The following ABCD3 variants were observed in gnomAD, a reference collection of about 807,000 sequenced individuals.
ABCD3 encodes ATP binding cassette subfamily D member 3.
ABCD3 carries 41 observed loss-of-function variants against 105.5 expected under a neutral mutation model. The observed-to-expected ratio is 0.39, with a 90% CI of 0.30 to 0.50. The LOEUF is 0.50. Ranked by LOEUF, ABCD3 falls within the 20% of genes least tolerant of loss-of-function variation. The pLI is 0.84. For synonymous variants in ABCD3, 258 were observed against 269.0 expected, an observed-to-expected ratio of 0.96 and a Z score of 0.40; for missense variants, 622 against 806.3, an observed-to-expected ratio of 0.77 and a Z score of 2.77.
the ABCD3 span, among the ~76,000 whole-genome samples, chr1:94,403,393 A>T: frequency 6.6e-6 from 1 of 152,136 alleles, no homozygotes; most frequent in Admixed American, 6.5e-5. Flanking sequence ...ACTAATAAGC[A>T]GTTATCTGTC....
intron 5 of ABCD3, 86 bp from the exon 6 acceptor site, chr1:94,475,057 G>A: frequency 1.1e-6 from 1 of 883,310 alleles, no homozygotes. Context: ...TAGGATTTGG[G>A]ACACAGGAAA....
At chr1:94,498,390 A>G (rs1172349409) in intron 16 of ABCD3, among the ~76,000 whole-genome samples, 3 of 151,834 alleles carry the variant, frequency 2.0e-5, no homozygotes, top group Admixed American at 2.0e-4. Context: ...TTTTTAAGTG[A>G]AAAAAAAGTA....
intron 4 of ABCD3, among the ~76,000 whole-genome samples, chr1:94,472,997 A>C (rs1570790390): frequency 3.9e-5 from 6 of 152,302 alleles, no homozygotes; most frequent in South Asian, 2.1e-4. Flanking sequence ...CCTTTTTAAA[A>C]ATTTTTAATG....
upstream of ABCD3, among the ~76,000 whole-genome samples, chr1:94,418,267 A>T (rs552880630): frequency 6.6e-6 from 1 of 152,266 alleles, no homozygotes; most frequent in East Asian, 1.9e-4. Flanking sequence ...TGTTCCGCCC[A>T]CGGAGGCTGC....
Position 94,518,246 on chromosome 1 carries a change from T to C in ABCD3, c.*1117T>C, listed in dbSNP as rs1487175512. The C allele has an allele frequency of 1.3e-5, 2 of 152,264 alleles. No homozygotes were observed. The highest frequency in any genetic ancestry group is 2.9e-5 in the Non-Finnish European group (2 of 67,824). The allele number at this position is 152,264 out of a possible 1,614,324, so 9.4% of individuals were successfully genotyped here. On this transcript the variant is annotated 3_prime_UTR_variant, in exon 23 of 23. Coordinates refer to ENST00000370214, the MANE Select transcript of ABCD3 (RefSeq NM_002858.4). ...AATCATCATTAATGACTTTATGTAT[T>C]ATTTGCACAGGGAGAATTGAAACTG...
intron 16 of ABCD3, among the ~76,000 whole-genome samples, chr1:94,492,190 C>T (rs899027886): frequency 2.6e-5 from 4 of 152,104 alleles, no homozygotes; most frequent in Non-Finnish European, 4.4e-5. Context: ...TCTAGAATTC[C>T]TCTCCACATG....
At chr1:94,499,374 A>C in intron 19 of ABCD3, 121 bp from the exon 20 acceptor site, 2 of 1,160,244 alleles carry the variant, frequency 1.7e-6, no homozygotes, top group South Asian at 1.3e-5. Flanking sequence ...CTTTTCTGAA[A>C]TGTATCTTTT....
At position 94,491,212 on chromosome 1, in the gene ABCD3, A is replaced by C; in HGVS notation, c.1351A>C (p.Asn451His). The C allele has an allele frequency of 6.2e-7, 1 of 1,612,478 alleles. No homozygotes were observed. Among genetic ancestry groups the C allele is most frequent in the Non-Finnish European group, 8.5e-7 (1 of 1,178,872 alleles). Reference sequence around the variant, plus strand: ...TGATCATGTTCCTTTAGCAACGCCAAATGGAGATGTTTTGATCCGAGACCT... The same window carrying C: ...TGATCATGTTCCTTTAGCAACGCCACATGGAGATGTTTTGATCCGAGACCT... ...KFDHVPLATP[N>H]GDVLIRDLNF... is the part of the protein sequence containing the mutation. Residue 451 changes from asparagine (N) to histidine (H), a missense_variant, in exon 16 of 23, where the codon AAT becomes CAT. Asn to His is a moderately conservative substitution (Grantham distance 68). This residue lies in a region of ABCD3 where 285 missense variants were observed against 352.5 expected (regional missense o/e 0.81). Coordinates refer to ENST00000370214, the MANE Select transcript of ABCD3 (RefSeq NM_002858.4).
chr1:94,419,258 G>A, intron 1 of ABCD3: 1 of 984,886 alleles, frequency 1.0e-6, no homozygotes, highest in Non-Finnish European at 1.2e-6. Flanking sequence ...GATCGGTTCT[G>A]TCGGACTTAG....
At chr1:94,459,091 G>T (rs547175367) in intron 2 of ABCD3, among the ~76,000 whole-genome samples, 1 of 149,528 alleles carries the variant, frequency 6.7e-6, no homozygotes, top group African/African-American at 2.5e-5. Context: ...CTGTCATCCA[G>T]GCTGGAGTGC....
Position 94,476,897 on chromosome 1 carries a change from C to T in ABCD3, c.627+1160C>T, listed in dbSNP as rs553495208. Among the ~76,000 whole-genome samples the T allele has an allele frequency of 3.3e-5, 5 of 152,010 alleles. No homozygotes were observed. The South Asian group carries it at 1.0e-3, about 32-fold the overall frequency. On this transcript the variant is annotated intron_variant, in intron 7 of 22. Coordinates refer to ENST00000370214, the MANE Select transcript of ABCD3 (RefSeq NM_002858.4). The stretch of plus-strand genomic sequence containing the variant: ...GTTTGTTCTCTCTCTTTCTCTCTCT[C>T]TCTGTCTCTGTGTGTGTATGTGTGT...
chr1:94,468,185 T>A (rs1163048383), intron 4 of ABCD3, among the ~76,000 whole-genome samples, 178 bp downstream of exon 4: 1 of 152,204 alleles, frequency 6.6e-6, no homozygotes, highest in Admixed American at 6.5e-5. Context: ...CCAGGCAATG[T>A]GCTATACTGT....
chr1:94,496,106 G>T (rs1431873734), intron 16 of ABCD3, among the ~76,000 whole-genome samples: 1 of 152,096 alleles, frequency 6.6e-6, no homozygotes, highest in Admixed American at 6.6e-5. Context: ...AATGAAATTT[G>T]GCTTTTTAAC....
chr1:94,395,414 G>C, the ABCD3 span, among the ~76,000 whole-genome samples: 1 of 152,222 alleles, frequency 6.6e-6, no homozygotes, highest in Non-Finnish European at 1.5e-5. Flanking sequence ...AGGAGAGAGA[G>C]AGATTACTGA....
At chr1:94,484,760 A>G (rs571371890) in intron 10 of ABCD3, among the ~76,000 whole-genome samples, 3 of 152,286 alleles carry the variant, frequency 2.0e-5, no homozygotes, top group Non-Finnish European at 4.4e-5. Flanking sequence ...CGTTGTGCAC[A>G]TGTACCCTAG....
At chr1:94,477,056 A>G (rs556485061) in intron 7 of ABCD3, among the ~76,000 whole-genome samples, 1 of 152,154 alleles carries the variant, frequency 6.6e-6, no homozygotes, top group South Asian at 2.1e-4. Context: ...TCTGGAATAC[A>G]GAAGAATATT....
At chr1:94,417,324 GGC>G (rs567448250), upstream of ABCD3, among the ~76,000 whole-genome samples, 2 of 152,106 alleles carry the variant, frequency 1.3e-5, no homozygotes, top group Admixed American at 6.5e-5. Context: ...AAACACCTAG[GGC>G]ACAGCACCAC....
intron 3 of ABCD3, 49 bp downstream of exon 3, chr1:94,464,922 T>C (rs1435493237): frequency 1.3e-5 from 18 of 1,421,942 alleles, no homozygotes; most frequent in Admixed American, 3.4e-5. Context: ...CGTTCTTTAA[T>C]AAAATACCTG....
the ABCD3 span, among the ~76,000 whole-genome samples, chr1:94,404,988 T>G: frequency 6.6e-6 from 1 of 151,346 alleles, no homozygotes; most frequent in African/African-American, 2.4e-5. Context: ...ATCTTCCCTA[T>G]TATAGTTTGT....
Sources: gnomAD v4.1 joint callset for allele counts (sites outside exome capture counted in the v4.1 genomes callset) on GRCh38, gnomAD v4.1.1 for gene constraint, gnomAD v4.1.1 regional missense constraint, MANE v1.5 for transcripts, NCBI Gene and HGNC (gene_info 2026-07-23, HGNC 2026-07-21) for gene names.